The following OR6N1 variants were observed in gnomAD, a reference collection of about 807,000 sequenced individuals.
OR6N1 encodes the protein olfactory receptor family 6 subfamily N member 1, also known as olfactory receptor 6N1.
For missense variants in OR6N1, 394 were observed against 371.7 expected, an observed-to-expected ratio of 1.06 and a Z score of -0.49; for synonymous variants, 170 against 150.7, an observed-to-expected ratio of 1.13 and a Z score of -0.94.
At chr1:158,806,473 C>T in the OR6N1 span, among the ~76,000 whole-genome samples, 1 of 151,988 alleles carries the variant, frequency 6.6e-6, no homozygotes, top group East Asian at 1.9e-4. Context: ...TTTTATTGTC[C>T]CCATTTTGCA....
chr1:158,779,018 CAA>C, the OR6N1 span, among the ~76,000 whole-genome samples: 9 of 86,390 alleles, frequency 1.0e-4, no homozygotes, highest in Admixed American at 3.8e-4. Flanking sequence ...GACTGCGTCT[CAA>C]AAAAAAAAAA....
At chr1:158,774,083 G>A (rs1368145878), upstream of OR6N1, 2 of 152,142 alleles carry the variant, frequency 1.3e-5, no homozygotes, top group Non-Finnish European at 2.9e-5. Flanking sequence ...GCACGTAACT[G>A]CCTGTCTTTT....
the OR6N1 span, among the ~76,000 whole-genome samples, chr1:158,782,825 A>G: frequency 1.6e-4 from 24 of 151,794 alleles, no homozygotes; most frequent in Non-Finnish European, 3.1e-4. Flanking sequence ...TTTTCCTCTC[A>G]TTTCATTGTG....
At chr1:158,769,001 G>A (rs73015560) in intron 1 of OR6N1, among the ~76,000 whole-genome samples, 265 of 152,200 alleles carry the variant, frequency 1.7e-3, no homozygotes, top group African/African-American at 6.0e-3. Context: ...TATGTCAAGT[G>A]CCTAGAGCCA....
the OR6N1 span, among the ~76,000 whole-genome samples, chr1:158,810,564 G>T: frequency 6.6e-6 from 1 of 152,130 alleles, no homozygotes; most frequent in Non-Finnish European, 1.5e-5. Context: ...TGCAACCCTC[G>T]CTGTGGACTT....
upstream of OR6N1, among the ~76,000 whole-genome samples, chr1:158,773,027 G>A (rs1425844748): frequency 1.3e-5 from 2 of 151,962 alleles, no homozygotes; most frequent in African/African-American, 4.8e-5. Context: ...ATAATCAAAT[G>A]TGATAATGTA....
At chr1:158,791,203 A>G in the OR6N1 span, among the ~76,000 whole-genome samples, 1 of 152,158 alleles carries the variant, frequency 6.6e-6, no homozygotes, top group Admixed American at 6.5e-5. Flanking sequence ...AAATTGCCCA[A>G]CGCAATCTAC....
At chr1:158,838,107 T>TA in the OR6N1 span, among the ~76,000 whole-genome samples, 1 of 151,948 alleles carries the variant, frequency 6.6e-6, no homozygotes, top group African/African-American at 2.4e-5. Context: ...TATAAAATAA[T>TA]AAAAAATGAT....
the OR6N1 span, among the ~76,000 whole-genome samples, chr1:158,785,631 T>G: frequency 2.6e-5 from 4 of 152,162 alleles, no homozygotes; most frequent in African/African-American, 9.7e-5. Flanking sequence ...GCCCTAGTAA[T>G]AACTACATAG....
At chr1:158,786,456 A>G in the OR6N1 span, among the ~76,000 whole-genome samples, 1 of 152,240 alleles carries the variant, frequency 6.6e-6, no homozygotes, top group Non-Finnish European at 1.5e-5. Context: ...AAAGAATTAA[A>G]AGTAGAATTA....
the OR6N1 span, among the ~76,000 whole-genome samples, chr1:158,811,575 A>G: frequency 6.6e-6 from 1 of 152,232 alleles, no homozygotes; most frequent in Non-Finnish European, 1.5e-5. Context: ...ATAAGCAGGT[A>G]CTGGATGGAT....
At chr1:158,778,252 G>T in the OR6N1 span, among the ~76,000 whole-genome samples, 1 of 152,160 alleles carries the variant, frequency 6.6e-6, no homozygotes, top group African/African-American at 2.4e-5. Flanking sequence ...TTACAACCCT[G>T]TAGAGAAGCA....
the OR6N1 span, chr1:158,809,047 A>G: frequency 1.3e-5 from 2 of 152,808 alleles, no homozygotes; most frequent in Non-Finnish European, 1.5e-5. Context: ...TGAATAAAGC[A>G]TACAGCTGAT....
chr1:158,791,411 G>A, the OR6N1 span, among the ~76,000 whole-genome samples: 1 of 151,004 alleles, frequency 6.6e-6, no homozygotes, highest in African/African-American at 2.4e-5. Flanking sequence ...GAGTTCCTTT[G>A]GAATTGATTT....
the OR6N1 span, among the ~76,000 whole-genome samples, chr1:158,830,344 T>G: frequency 6.6e-6 from 1 of 152,246 alleles, no homozygotes; most frequent in Non-Finnish European, 1.5e-5. Context: ...TAGTGGGGTT[T>G]AGACAGTTTC....
the OR6N1 span, among the ~76,000 whole-genome samples, chr1:158,788,958 A>G: frequency 2.0e-5 from 3 of 152,222 alleles, no homozygotes; most frequent in Non-Finnish European, 4.4e-5. Context: ...AACCCAAAAA[A>G]GGAAATACCA....
the OR6N1 span, among the ~76,000 whole-genome samples, chr1:158,813,797 G>C: frequency 6.7e-6 from 1 of 149,448 alleles, no homozygotes; most frequent in South Asian, 2.1e-4. Context: ...CTTGCTCCTG[G>C]GCTCAAACCA....
chr1:158,777,229 A>G, the OR6N1 span: 1 of 1,614,172 alleles, frequency 6.2e-7, no homozygotes, highest in Non-Finnish European at 8.5e-7. Context: ...TGTGGTGGTC[A>G]TAATTATAGG....
the OR6N1 span, among the ~76,000 whole-genome samples, chr1:158,794,826 GC>G: frequency 6.6e-6 from 1 of 152,182 alleles, no homozygotes; most frequent in African/African-American, 2.4e-5. Context: ...TGTCCTGGTT[GC>G]TTCCAACCAG....
Sources: allele counts gnomAD v4.1 joint callset (sites outside exome capture counted in the v4.1 genomes callset), GRCh38; gene constraint gnomAD v4.1.1; transcripts MANE v1.5; gene names NCBI Gene and HGNC (gene_info 2026-07-23, HGNC 2026-07-21).